Variants in THSD7B observed in about 807,000 individuals in gnomAD.
The protein encoded by THSD7B is thrombospondin type 1 domain containing 7B, also known as thrombospondin type-1 domain-containing protein 7B.
Under a neutral mutation model 213.6 loss-of-function variants are expected in THSD7B, and 138 were observed. That is an observed-to-expected ratio of 0.65 (90% CI 0.56 to 0.74). The LOEUF (loss-of-function observed/expected upper bound fraction) is 0.74. THSD7B is among the 30% of genes least tolerant of loss of function. The pLI, the probability that THSD7B is intolerant of heterozygous loss-of-function variation, is 0.00. For synonymous variants in THSD7B, 742 were observed against 687.0 expected (o/e 1.08, Z -1.25); for missense variants, 1,931 against 1,991.5 (o/e 0.97, Z 0.58).
At chr2:137,284,445 T>C (rs887913982) in intron 12 of THSD7B, among the ~76,000 whole-genome samples, 1 of 152,116 alleles carries the variant, frequency 6.6e-6, no homozygotes, top group African/African-American at 2.4e-5. Context: ...CTGCTAGCTT[T>C]TGTATATGTT....
intron 15 of THSD7B, among the ~76,000 whole-genome samples, chr2:137,554,348 A>G (rs938738343): frequency 1.3e-5 from 2 of 152,182 alleles, no homozygotes; most frequent in African/African-American, 4.8e-5. Context: ...CTCTCCCTAC[A>G]GAAGACACAA....
intron 12 of THSD7B, among the ~76,000 whole-genome samples, chr2:137,403,420 G>C (rs945021965): frequency 6.6e-6 from 1 of 152,198 alleles, no homozygotes. Flanking sequence ...CCCTACATAA[G>C]AGAATTTTAT....
In THSD7B at chr2:136,772,967, G is replaced by C. The variant is rs186869909; in HGVS notation, c.-36+7280G>C. 4.6e-3 allele frequency among the ~76,000 whole-genome samples: 705 copies of C among 152,196 alleles called. 11 individuals carry two copies. Among genetic ancestry groups the C allele is most frequent in the African/African-American group, 0.016 (669 of 41,554 alleles). On this transcript the variant is annotated intron_variant, in intron 1 of 27. Coordinates refer to ENST00000409968, the MANE Select transcript of THSD7B (RefSeq NM_001316349.2). Reference sequence around the variant, plus strand: ...TACTGTTGGAATCTGACCAGTTTCTGTCTTTGCCTCTGGCAGAATCATATA... The same window carrying C: ...TACTGTTGGAATCTGACCAGTTTCTCTCTTTGCCTCTGGCAGAATCATATA...
chr2:137,076,684 C>T (rs1017363381), intron 3 of THSD7B, among the ~76,000 whole-genome samples: 16 of 152,348 alleles, frequency 1.1e-4, no homozygotes, highest in South Asian at 4.1e-4. Flanking sequence ...GCGTCACTCA[C>T]GCTGGGAGCT....
intron 2 of THSD7B, among the ~76,000 whole-genome samples, chr2:137,034,163 G>A (rs543479253): frequency 2.0e-5 from 3 of 152,238 alleles, no homozygotes; most frequent in East Asian, 1.9e-4. Context: ...ATTCCATGGT[G>A]TATATGTACC....
chr2:136,824,267 T>C (rs975819812), intron 1 of THSD7B, among the ~76,000 whole-genome samples: 2 of 152,018 alleles, frequency 1.3e-5, no homozygotes, highest in South Asian at 4.1e-4. Flanking sequence ...TACAAGTATA[T>C]ATTATTATAT....
rs375459187 is a variant in THSD7B at position 137,663,744 on chromosome 2, G to A, written c.4651+169G>A. Among the ~76,000 whole-genome samples the A allele has an allele frequency of 9.0e-4, 137 of 152,350 alleles. 3 individuals carry two copies. The South Asian group carries it at 0.025, about 28-fold the overall frequency. On this transcript the variant is annotated intron_variant, in intron 26 of 27. Transcript: ENST00000409968. Reference sequence around the variant, plus strand: ...GATTTGAATATTACATGATATATGAGTCCCTTTAAGTGTACAGTGTTTTCA... The same window carrying A: ...GATTTGAATATTACATGATATATGAATCCCTTTAAGTGTACAGTGTTTTCA...
chr2:136,926,052 A>T (rs992407507), intron 2 of THSD7B, among the ~76,000 whole-genome samples: 11 of 152,198 alleles, frequency 7.2e-5, no homozygotes, highest in African/African-American at 2.6e-4. Flanking sequence ...CTCTCTGCAA[A>T]AAGCTTCTTG....
intron 12 of THSD7B, among the ~76,000 whole-genome samples, chr2:137,326,977 A>G (rs544867408): frequency 9.2e-5 from 14 of 152,352 alleles, no homozygotes; most frequent in African/African-American, 3.1e-4. Context: ...TCTGTGGTCA[A>G]TGCTGGAATA....
intron 1 of THSD7B, among the ~76,000 whole-genome samples, chr2:136,793,050 G>A (rs1161359285): frequency 6.6e-6 from 1 of 151,918 alleles, no homozygotes; most frequent in Admixed American, 6.6e-5. Flanking sequence ...TAAACATTTG[G>A]CTACACGTCT....
At chr2:137,184,038 T>G (rs1680505078) in intron 7 of THSD7B, among the ~76,000 whole-genome samples, 1 of 152,202 alleles carries the variant, frequency 6.6e-6, no homozygotes, top group Non-Finnish European at 1.5e-5. Context: ...ATAACAGCCC[T>G]GCATGGTGGT....
At chr2:137,218,624 A>G (rs6720025) in intron 7 of THSD7B, among the ~76,000 whole-genome samples, 54,678 of 151,974 alleles carry the variant, frequency 0.36, 10,513 homozygotes, top group East Asian at 0.56. Context: ...ACATTAAAGG[A>G]AATTACAGTA....
intron 2 of THSD7B, among the ~76,000 whole-genome samples, chr2:137,052,377 T>G (rs992258800): frequency 6.6e-6 from 1 of 152,188 alleles, no homozygotes; most frequent in African/African-American, 2.4e-5. Flanking sequence ...TAGAGCTACA[T>G]TACATCAGTA....
chr2:137,405,527 T>G, intron 12 of THSD7B, 86 bp from the exon 13 acceptor site: 3 of 1,306,250 alleles, frequency 2.3e-6, no homozygotes, highest in Non-Finnish European at 3.1e-6. Flanking sequence ...TTTTTAAACA[T>G]TGGGGGATTC....
intron 15 of THSD7B, among the ~76,000 whole-genome samples, chr2:137,493,340 A>G (rs528791666): frequency 1.6e-3 from 243 of 152,096 alleles, no homozygotes; most frequent in African/African-American, 5.5e-3. Flanking sequence ...AGTGGGTTTT[A>G]TTATTTTGGC....
At chr2:137,198,799 G>C (rs1680818266) in intron 7 of THSD7B, among the ~76,000 whole-genome samples, 2 of 152,060 alleles carry the variant, frequency 1.3e-5, no homozygotes, top group South Asian at 4.1e-4. Context: ...AGTTATAAAA[G>C]AAAAACTGGA....
intron 12 of THSD7B, among the ~76,000 whole-genome samples, chr2:137,362,305 C>A (rs1255041777): frequency 6.6e-6 from 1 of 152,150 alleles, no homozygotes; most frequent in Non-Finnish European, 1.5e-5. Flanking sequence ...ACCATCGATG[C>A]TACAAAGAAA....
chr2:136,931,519 T>A (rs1392969338), intron 2 of THSD7B, among the ~76,000 whole-genome samples: 2 of 152,170 alleles, frequency 1.3e-5, no homozygotes, highest in Non-Finnish European at 2.9e-5. Context: ...GTTTTCCTGA[T>A]CTTTCCCTCA....
At position 137,054,131 on chromosome 2, in the gene THSD7B, T is replaced by C. The variant is rs1272497532; in HGVS notation, c.140-2289T>C. 2.0e-5 allele frequency among the ~76,000 whole-genome samples: 3 copies of C among 152,182 alleles called. 1 individual carries two copies. On this transcript the variant is annotated intron_variant, in intron 2 of 27. Coordinates refer to ENST00000409968, the MANE Select transcript of THSD7B (RefSeq NM_001316349.2). ...TGTGAGTAATCTACATTACCAGAAT[T>C]GTGGGTGGCTGATTAAGTCAGCCCG...
Sources: gnomAD v4.1 joint callset for allele counts (sites outside exome capture counted in the v4.1 genomes callset) on GRCh38, gnomAD v4.1.1 for gene constraint, MANE v1.5 for transcripts, NCBI Gene and HGNC (gene_info 2026-07-23, HGNC 2026-07-21) for gene names.